KLHL2: variants seen among roughly 807,000 people sequenced by gnomAD.
KLHL2 encodes kelch like family member 2.
Under a neutral mutation model 75.8 loss-of-function variants are expected in KLHL2, and 15 were observed. The observed-to-expected ratio is 0.20, with a 90% CI of 0.13 to 0.30. The LOEUF (loss-of-function observed/expected upper bound fraction) is 0.30. KLHL2 is among the 10% of genes least tolerant of loss of function. KLHL2 has a pLI of 1.00. For synonymous variants in KLHL2, 214 were observed against 251.9 expected (o/e 0.85, Z 1.42); for missense variants, 381 against 741.0 (o/e 0.51, Z 5.64).
intron 5 of KLHL2, among the ~76,000 whole-genome samples, chr4:165,264,605 T>TATATATATATAC (rs757273597): frequency 0.022 from 2,702 of 123,928 alleles, 35 homozygotes; most frequent in East Asian, 0.029. Flanking sequence ...TATATATATA[T>TATATATATATAC]ACACACACAC....
chr4:165,293,796 A>G (rs983806577), intron 5 of KLHL2, among the ~76,000 whole-genome samples: 55 of 151,550 alleles, frequency 3.6e-4, no homozygotes, highest in African/African-American at 1.1e-3. Flanking sequence ...GATTATAGGC[A>G]TGAGCCACTG....
At chr4:165,320,791 CAAAG>C (rs1013698051) in intron 14 of KLHL2, among the ~76,000 whole-genome samples, 3 of 152,082 alleles carry the variant, frequency 2.0e-5, no homozygotes, top group Non-Finnish European at 4.4e-5. Context: ...CAGAGCCAGT[CAAAG>C]AAATCATGAA....
At chr4:165,212,814 T>C (rs898581563) in intron 1 of KLHL2, among the ~76,000 whole-genome samples, 2 of 152,196 alleles carry the variant, frequency 1.3e-5, no homozygotes, top group African/African-American at 2.4e-5. Flanking sequence ...CTATCACTGC[T>C]TGTGGGCAGT....
At chr4:165,237,977 T>C (rs1395780304) in intron 3 of KLHL2, among the ~76,000 whole-genome samples, 1 of 152,146 alleles carries the variant, frequency 6.6e-6, no homozygotes, top group Non-Finnish European at 1.5e-5. Context: ...TCCCTTCTCT[T>C]TCCTCCTTCC....
Position 165,269,301 on chromosome 4 carries a change from G to A in KLHL2, c.544+5942G>A, listed in dbSNP as rs1241563959. Among the ~76,000 whole-genome samples, 14 of 152,206 alleles carry A rather than the reference G, an allele frequency of 9.2e-5. No homozygotes were observed. The East Asian group carries it at 2.1e-3, about 23-fold the overall frequency. On this transcript the variant is annotated intron_variant, in intron 5 of 14. Coordinates refer to ENST00000226725, the MANE Select transcript of KLHL2 (RefSeq NM_007246.4). Reference sequence around the variant, plus strand: ...CTGTGTCTTTTAACTGGGGCATTTAGCCCATTTACATTTAAGGTTAATATT... The same window carrying A: ...CTGTGTCTTTTAACTGGGGCATTTAACCCATTTACATTTAAGGTTAATATT...
At chr4:165,275,499 T>G (rs1267353299) in intron 5 of KLHL2, among the ~76,000 whole-genome samples, 1 of 152,210 alleles carries the variant, frequency 6.6e-6, no homozygotes, top group Admixed American at 6.5e-5. Flanking sequence ...AAAAATTGTT[T>G]CAGATTTTTA....
Position 165,228,796 on chromosome 4 carries a change from T to G in KLHL2, c.153-11T>G. 1 of 1,595,560 alleles carries G rather than the reference T, an allele frequency of 6.3e-7. No individual in the cohort carries two copies. The highest frequency in any genetic ancestry group is 8.6e-7 in the Non-Finnish European group (1 of 1,164,680). On this transcript the variant is annotated splice_polypyrimidine_tract_variant and intron_variant, in intron 2 of 14. Transcript: ENST00000226725. ...TATCATTTAAATTTTTTCTCTCTGC[T>G]TTTTACACAGTCAAAATTTGCTGTG...
chr4:165,250,900 G>A (rs988350871), intron 4 of KLHL2, among the ~76,000 whole-genome samples: 4 of 152,050 alleles, frequency 2.6e-5, no homozygotes, highest in Admixed American at 6.6e-5. Flanking sequence ...AGTTGGCATG[G>A]AGACCACACT....
intron 6 of KLHL2, among the ~76,000 whole-genome samples, chr4:165,295,196 G>A (rs970701827): frequency 6.6e-6 from 1 of 152,112 alleles, no homozygotes; most frequent in African/African-American, 2.4e-5. Context: ...GTAGCACACG[G>A]GAATCAGAGC....
chr4:165,252,041 T>C (rs2111172220), intron 4 of KLHL2, among the ~76,000 whole-genome samples: 1 of 152,336 alleles, frequency 6.6e-6, no homozygotes, highest in Middle Eastern at 3.4e-3. Flanking sequence ...GCTGAATCAT[T>C]TTGAGAGTCA....
intron 5 of KLHL2, chr4:165,278,317 A>G: frequency 9.1e-7 from 1 of 1,098,274 alleles, no homozygotes. Flanking sequence ...CTACTGGAAT[A>G]TACAGAATGT....
intron 6 of KLHL2, among the ~76,000 whole-genome samples, chr4:165,296,866 C>CTT (rs34226143): frequency 6.8e-6 from 1 of 147,708 alleles, no homozygotes; most frequent in Non-Finnish European, 1.5e-5. Flanking sequence ...TAGTTTCTTG[C>CTT]TTTTTTTTTT....
At chr4:165,234,615 T>A (rs1739180361) in intron 3 of KLHL2, among the ~76,000 whole-genome samples, 1 of 70,384 alleles carries the variant, frequency 1.4e-5, no homozygotes, top group Non-Finnish European at 3.3e-5. Context: ...GAGTTGGAAT[T>A]TTTTTTTTTT....
chr4:165,305,816 A>T (rs1270774833), intron 9 of KLHL2, 91 bp downstream of exon 9: 25 of 913,036 alleles, frequency 2.7e-5, no homozygotes, highest in Non-Finnish European at 4.2e-5. Context: ...AAAAATCTCT[A>T]TCAAAAAAGC....
intron 4 of KLHL2, among the ~76,000 whole-genome samples, chr4:165,254,824 G>A (rs1345985713): frequency 6.6e-6 from 1 of 152,094 alleles, no homozygotes; most frequent in East Asian, 1.9e-4. Context: ...TTTATGTTGA[G>A]AATATTTGAT....
intron 5 of KLHL2, among the ~76,000 whole-genome samples, chr4:165,274,541 G>A (rs112300546): frequency 0.22 from 32,823 of 151,304 alleles, 4,040 homozygotes; most frequent in Non-Finnish European, 0.29. Flanking sequence ...CCCGGGAGGC[G>A]GAGCTTGCAG....
intron 1 of KLHL2, chr4:165,209,900 C>G (rs894970078): frequency 9.1e-6 from 7 of 772,478 alleles, no homozygotes; most frequent in Non-Finnish European, 1.4e-5. Context: ...TAGTTTTTTT[C>G]CTTGCCACCC....
At chr4:165,298,043 G>A (rs1003279126) in intron 7 of KLHL2, among the ~76,000 whole-genome samples, 1 of 152,088 alleles carries the variant, frequency 6.6e-6, no homozygotes, top group Non-Finnish European at 1.5e-5. Context: ...GGCTGGTCTC[G>A]AACTCCTGAC....
chr4:165,284,323 A>G (rs1417534207), intron 5 of KLHL2, among the ~76,000 whole-genome samples: 2 of 152,158 alleles, frequency 1.3e-5, no homozygotes, highest in Non-Finnish European at 2.9e-5. Context: ...AATGCCTTTA[A>G]CAGTACCCAA....
Sources: gnomAD v4.1 joint callset for allele counts (sites outside exome capture counted in the v4.1 genomes callset) on GRCh38, gnomAD v4.1.1 for gene constraint, MANE v1.5 for transcripts, NCBI Gene and HGNC (gene_info 2026-07-23, HGNC 2026-07-21) for gene names.